ATXN1: variants seen among roughly 807,000 people sequenced by gnomAD.
ATXN1 encodes the protein ataxin 1.
ATXN1 carries 8 observed loss-of-function variants against 56.4 expected under a neutral mutation model. That is an observed-to-expected ratio of 0.14 (90% CI 0.08 to 0.26). The LOEUF is 0.26. ATXN1 is among the 10% of genes least tolerant of loss of function. ATXN1 has a pLI of 1.00. For synonymous variants in ATXN1, 514 were observed against 494.6 expected (o/e 1.04, Z -0.52); for missense variants, 987 against 1,106.5 (o/e 0.89, Z 1.53).
chr6:16,633,743 G>C (rs1763545807), intron 3 of ATXN1, among the ~76,000 whole-genome samples: 1 of 152,130 alleles, frequency 6.6e-6, no homozygotes, highest in Non-Finnish European at 1.5e-5. Flanking sequence ...TAGAACCAAG[G>C]CTCCGAGCTA....
intron 5 of ATXN1, among the ~76,000 whole-genome samples, chr6:16,493,446 GTTTTTTT>G (rs1174959883): frequency 8.7e-6 from 1 of 115,476 alleles, no homozygotes; most frequent in African/African-American, 3.1e-5. Flanking sequence ...TCAATCAGAA[GTTTTTTT>G]TTTTTTTTTT....
At chr6:16,625,537 G>C (rs959658866) in intron 3 of ATXN1, among the ~76,000 whole-genome samples, 1 of 152,064 alleles carries the variant, frequency 6.6e-6, no homozygotes, top group Non-Finnish European at 1.5e-5. Context: ...CATGCACAGA[G>C]AGCTGATAAT....
intron 4 of ATXN1, among the ~76,000 whole-genome samples, chr6:16,532,858 A>G (rs559984034): frequency 6.6e-6 from 1 of 152,216 alleles, no homozygotes; most frequent in Non-Finnish European, 1.5e-5. Context: ...AAAATACTAC[A>G]TGATTCACCA....
At chr6:16,324,340 A>G (rs912024860) in intron 7 of ATXN1, among the ~76,000 whole-genome samples, 1 of 152,092 alleles carries the variant, frequency 6.6e-6, no homozygotes, top group Non-Finnish European at 1.5e-5. Flanking sequence ...GGTCCTAGCT[A>G]CTAGGGAGGT....
intron 6 of ATXN1, among the ~76,000 whole-genome samples, chr6:16,357,741 C>CA: frequency 6.6e-6 from 1 of 152,096 alleles, no homozygotes; most frequent in East Asian, 1.9e-4. Context: ...GGAAGAGAGA[C>CA]AAAAAATTGG....
At chr6:16,477,431 G>A (rs1395177203) in intron 6 of ATXN1, among the ~76,000 whole-genome samples, 1 of 152,226 alleles carries the variant, frequency 6.6e-6, no homozygotes, top group Non-Finnish European at 1.5e-5. Flanking sequence ...GGCATAATGA[G>A]AGGAGAGCAA....
At chr6:16,679,841 CTTCT>C (rs1316344423) in intron 2 of ATXN1, among the ~76,000 whole-genome samples, 1 of 152,148 alleles carries the variant, frequency 6.6e-6, no homozygotes, top group Admixed American at 6.5e-5. Context: ...TAATAGTAAG[CTTCT>C]TTAACTTTAA....
At chr6:16,693,900 A>C (rs1356669436) in intron 2 of ATXN1, among the ~76,000 whole-genome samples, 2 of 152,236 alleles carry the variant, frequency 1.3e-5, no homozygotes, top group African/African-American at 4.8e-5. Flanking sequence ...TAAAAAATAC[A>C]GTCCACCCTA....
chr6:16,406,406 A>T (rs1457366779), intron 6 of ATXN1, among the ~76,000 whole-genome samples: 1 of 152,240 alleles, frequency 6.6e-6, no homozygotes, highest in African/African-American at 2.4e-5. Context: ...CAGTTAGTTC[A>T]AACCTAACGG....
intron 3 of ATXN1, among the ~76,000 whole-genome samples, chr6:16,604,324 CAAA>C (rs57547112): frequency 3.6e-5 from 4 of 112,096 alleles, no homozygotes; most frequent in Admixed American, 9.5e-5. Context: ...AACTCTGTCT[CAAA>C]AAAAAAAAAA....
At chr6:16,487,556 C>T (rs895573895) in intron 5 of ATXN1, among the ~76,000 whole-genome samples, 1 of 152,142 alleles carries the variant, frequency 6.6e-6, no homozygotes, top group Non-Finnish European at 1.5e-5. Context: ...AGTGCTTTCT[C>T]ATTAATTAAA....
chr6:16,411,116 C>T (rs1361617559), intron 6 of ATXN1, among the ~76,000 whole-genome samples: 1 of 122,508 alleles, frequency 8.2e-6, no homozygotes, highest in African/African-American at 3.2e-5. Flanking sequence ...CAGAGTGAGA[C>T]CTCTGTGTCA....
chr6:16,576,406 T>G (rs928391580), intron 4 of ATXN1, among the ~76,000 whole-genome samples: 3 of 152,164 alleles, frequency 2.0e-5, no homozygotes, highest in African/African-American at 7.2e-5. Context: ...TCCAAAGCAT[T>G]TTCAATTCCA....
intron 2 of ATXN1, among the ~76,000 whole-genome samples, chr6:16,713,514 C>T (rs112300384): frequency 6.6e-6 from 1 of 152,174 alleles, no homozygotes; most frequent in African/African-American, 2.4e-5. Context: ...ACTGACTGAA[C>T]ATGAAGAGAG....
At chr6:16,647,340 A>G (rs1213627394) in intron 3 of ATXN1, among the ~76,000 whole-genome samples, 1 of 152,078 alleles carries the variant, frequency 6.6e-6, no homozygotes, top group Non-Finnish European at 1.5e-5. Flanking sequence ...ATAAACTGAG[A>G]CCCAAAGAGA....
At chr6:16,356,690 G>A (rs1259342750) in intron 6 of ATXN1, among the ~76,000 whole-genome samples, 1 of 152,120 alleles carries the variant, frequency 6.6e-6, no homozygotes, top group Non-Finnish European at 1.5e-5. Flanking sequence ...TGGGGGAAAA[G>A]CATATAACTT....
At chr6:16,514,711 A>G (rs1388925098) in intron 5 of ATXN1, among the ~76,000 whole-genome samples, 1 of 152,084 alleles carries the variant, frequency 6.6e-6, no homozygotes, top group African/African-American at 2.4e-5. Context: ...ATGGGATGAC[A>G]CTGTTATTAA....
At chr6:16,694,638 C>T (rs1377768405) in intron 2 of ATXN1, among the ~76,000 whole-genome samples, 1 of 152,186 alleles carries the variant, frequency 6.6e-6, no homozygotes, top group East Asian at 1.9e-4. Context: ...AACTGGGAAA[C>T]ACACGTCAGC....
chr6:16,482,726 G>A (rs1760464013), intron 6 of ATXN1, among the ~76,000 whole-genome samples: 1 of 152,178 alleles, frequency 6.6e-6, no homozygotes, highest in African/African-American at 2.4e-5. Flanking sequence ...AAATACCTTT[G>A]AATTGTCATA....
Sources: allele counts gnomAD v4.1 joint callset (sites outside exome capture counted in the v4.1 genomes callset), GRCh38; gene constraint gnomAD v4.1.1; transcripts MANE v1.5; gene names NCBI Gene and HGNC (gene_info 2026-07-23, HGNC 2026-07-21).